Variants in GPC3 observed in about 807,000 individuals in gnomAD.
The protein encoded by GPC3 is glypican 3.
In GPC3, 3 loss-of-function variants were observed where a neutral mutation model predicts 34.4. That is an observed-to-expected ratio of 0.09 (90% CI 0.04 to 0.23). The LOEUF is 0.23. Among genes scored for constraint, GPC3 ranks in the 10% least tolerant of loss-of-function variants. GPC3 has a pLI of 1.00. For missense variants in GPC3, 351 were observed against 445.6 expected (o/e 0.79, Z 1.91); for synonymous variants, 177 against 174.0 (o/e 1.02, Z -0.13).
chrX:133,926,933 A>G (rs1465422426), intron 2 of GPC3, among the ~76,000 whole-genome samples: 1 of 110,113 alleles, frequency 9.1e-6, no homozygotes, highest in Non-Finnish European at 1.9e-5. Flanking sequence ...GGAGAACACA[A>G]TTTCCTAGGC....
At chrX:133,707,366 AT>A (rs1199349277) in intron 3 of GPC3, among the ~76,000 whole-genome samples, 2 of 111,916 alleles carry the variant, frequency 1.8e-5, no homozygotes, top group Non-Finnish European at 3.8e-5. Context: ...AAAAAAAGTT[AT>A]TTGAAACTGT....
At chrX:133,764,432 T>C (rs1261085894) in intron 2 of GPC3, among the ~76,000 whole-genome samples, 2 of 111,911 alleles carry the variant, frequency 1.8e-5, no homozygotes, top group Non-Finnish European at 3.8e-5. Flanking sequence ...AAAATGCCCT[T>C]GGTTGAATCT....
chrX:133,700,154 CA>C, intron 3 of GPC3, 126 bp from the exon 4 acceptor site: 1 of 516,470 alleles, frequency 1.9e-6, no homozygotes, highest in Non-Finnish European at 3.3e-6. Context: ...TGACTAGAGT[CA>C]AAAAAGGTGA....
At chrX:133,938,717 A>C (rs2124626518) in intron 2 of GPC3, among the ~76,000 whole-genome samples, 1 of 112,251 alleles carries the variant, frequency 8.9e-6, no homozygotes, top group East Asian at 2.8e-4. Context: ...CCTTGAGTTC[A>C]CTTCTGCCAT....
intron 1 of GPC3, among the ~76,000 whole-genome samples, chrX:133,984,764 C>T (rs1242614205): frequency 9.2e-6 from 1 of 108,302 alleles, no homozygotes; most frequent in East Asian, 2.9e-4. Flanking sequence ...GAAATCTGTC[C>T]TCAACTTTGC....
At chrX:133,983,408 C>T (rs752265277) in intron 1 of GPC3, among the ~76,000 whole-genome samples, 6 of 112,369 alleles carry the variant, frequency 5.3e-5, no homozygotes, top group Non-Finnish European at 1.1e-4. Context: ...AAATCTCATA[C>T]ACACAGCGTG....
At chrX:133,846,458 C>T (rs894960015) in intron 2 of GPC3, among the ~76,000 whole-genome samples, 7 of 111,676 alleles carry the variant, frequency 6.3e-5, no homozygotes, top group African/African-American at 1.6e-4. Context: ...CTCCTTTATA[C>T]ATGACATAGC....
chrX:133,718,092 A>G (rs1036960803), intron 3 of GPC3, among the ~76,000 whole-genome samples: 1 of 112,027 alleles, frequency 8.9e-6, no homozygotes, highest in Non-Finnish European at 1.9e-5. Context: ...GTCTCTAGAA[A>G]AAAAGAGAAA....
intron 2 of GPC3, among the ~76,000 whole-genome samples, chrX:133,788,091 TATATATA>T (rs2072121664): frequency 1.1e-4 from 2 of 17,602 alleles, no homozygotes; most frequent in African/African-American, 2.7e-4. Context: ...TATTATTTTA[TATATATA>T]TATATATATA....
chrX:133,742,517 G>A (rs1389102606), intron 3 of GPC3, among the ~76,000 whole-genome samples: 1 of 111,599 alleles, frequency 9.0e-6, no homozygotes, highest in Non-Finnish European at 1.9e-5. Flanking sequence ...ATAATTCACA[G>A]CATAGGTTTG....
intron 2 of GPC3, among the ~76,000 whole-genome samples, chrX:133,896,191 G>A (rs1392975150): frequency 5.4e-5 from 6 of 110,552 alleles, no homozygotes; most frequent in Non-Finnish European, 9.5e-5. Context: ...GTGAAACCCC[G>A]TCTACTAAAA....
chrX:133,729,358 T>C lies in GPC3; in HGVS notation c.1032+24124A>G, dbSNP rs759536418. Among the ~76,000 whole-genome samples the C allele has an allele frequency of 6.3e-5, 7 of 111,914 alleles. No individual in the cohort carries two copies. In the South Asian group the frequency reaches 2.6e-3, roughly 42 times the overall value. On this transcript the variant is annotated intron_variant, in intron 3 of 7. Transcript: ENST00000370818. ...TGTTCCTTCCCAGCAGTCATCTATTTCTCACAGACCCTTCCCTCACCCCTT... is the reference window on the plus strand; with the variant it reads ...TGTTCCTTCCCAGCAGTCATCTATTCCTCACAGACCCTTCCCTCACCCCTT...
chrX:133,759,123 AT>A (rs1321997593), intron 2 of GPC3, among the ~76,000 whole-genome samples: 1 of 112,021 alleles, frequency 8.9e-6, no homozygotes, highest in Non-Finnish European at 1.9e-5. Context: ...GAAATAAAAA[AT>A]ATCTTAATAA....
intron 1 of GPC3, among the ~76,000 whole-genome samples, chrX:133,954,738 CTTTTTTTTTTT>C (rs1166218378): frequency 5.6e-5 from 3 of 53,786 alleles, no homozygotes; most frequent in African/African-American, 7.7e-5. Context: ...CAAACTTTCT[CTTTTTTTTTTT>C]TTTTTTTTTT....
intron 3 of GPC3, among the ~76,000 whole-genome samples, chrX:133,708,486 T>A (rs2071236542): frequency 9.0e-6 from 1 of 111,716 alleles, no homozygotes; most frequent in Non-Finnish European, 1.9e-5. Flanking sequence ...TAACCCATTT[T>A]GTGTTAATTT....
At chrX:133,537,234 G>A (rs1167793547) in intron 7 of GPC3, among the ~76,000 whole-genome samples, 4 of 111,731 alleles carry the variant, frequency 3.6e-5, no homozygotes, top group African/African-American at 1.3e-4. Flanking sequence ...TACTCTCTTG[G>A]CTCTTCTAGA....
chrX:133,845,737 T>C (rs1211452097), intron 2 of GPC3, among the ~76,000 whole-genome samples: 2 of 112,351 alleles, frequency 1.8e-5, no homozygotes, highest in African/African-American at 6.5e-5. Flanking sequence ...TGCTGTACAA[T>C]TAACTTTCAC....
intron 7 of GPC3, among the ~76,000 whole-genome samples, chrX:133,584,131 G>A (rs773535727): frequency 5.3e-5 from 6 of 112,399 alleles, no homozygotes; most frequent in Non-Finnish European, 7.5e-5. Flanking sequence ...ATACTTTGAG[G>A]AAGCTAGTTT....
chrX:133,593,330 CAA>C (rs756083308), intron 7 of GPC3, among the ~76,000 whole-genome samples: 8 of 9,891 alleles, frequency 8.1e-4, no homozygotes, highest in African/African-American at 2.1e-3. Flanking sequence ...GAGACTGTCT[CAA>C]AAAAAAAAAA....
Sources: gnomAD v4.1 joint callset for allele counts (sites outside exome capture counted in the v4.1 genomes callset) on GRCh38, gnomAD v4.1.1 for gene constraint, MANE v1.5 for transcripts, NCBI Gene and HGNC (gene_info 2026-07-23, HGNC 2026-07-21) for gene names.